Variants in ARHGAP24 observed in about 807,000 individuals in gnomAD.
ARHGAP24 encodes the protein rho GTPase-activating protein 24.
Under a neutral mutation model 76.4 loss-of-function variants are expected in ARHGAP24, and 50 were observed. The ratio of observed to expected loss-of-function variants is 0.65; its 90% CI spans 0.52 to 0.83. The LOEUF (loss-of-function observed/expected upper bound fraction) is 0.83, where lower values mean the gene tolerates loss of function less well. Ranked by LOEUF, ARHGAP24 falls within the 40% of genes least tolerant of loss-of-function variation. The pLI, the probability that ARHGAP24 is intolerant of heterozygous loss-of-function variation, is 0.00. For missense variants in ARHGAP24, 930 were observed against 914.2 expected, an observed-to-expected ratio of 1.02 and a Z score of -0.22; for synonymous variants, 345 against 323.3, an observed-to-expected ratio of 1.07 and a Z score of -0.72.
At chr4:85,948,762 C>T (rs1461241269) in intron 5 of ARHGAP24, among the ~76,000 whole-genome samples, 1 of 152,166 alleles carries the variant, frequency 6.6e-6, no homozygotes, top group Admixed American at 6.6e-5. Context: ...GAAGTCTTAA[C>T]AGGAGTGGTA....
intron 4 of ARHGAP24, among the ~76,000 whole-genome samples, chr4:85,940,214 C>T (rs1221712429): frequency 6.6e-6 from 1 of 152,078 alleles, no homozygotes; most frequent in East Asian, 1.9e-4. Flanking sequence ...CACACATCAG[C>T]TTGTTTTTCT....
intron 2 of ARHGAP24, among the ~76,000 whole-genome samples, chr4:85,679,307 A>G (rs1449121174): frequency 1.3e-5 from 2 of 152,144 alleles, no homozygotes; most frequent in African/African-American, 4.8e-5. Context: ...GCTTGTTTGC[A>G]TCTTTTGTTT....
chr4:85,627,886 A>T (rs1721020021), intron 2 of ARHGAP24, among the ~76,000 whole-genome samples: 1 of 152,116 alleles, frequency 6.6e-6, no homozygotes, highest in Non-Finnish European at 1.5e-5. Flanking sequence ...CAGGTGCGGG[A>T]TATAATCTCC....
At chr4:85,830,111 T>G in intron 3 of ARHGAP24, among the ~76,000 whole-genome samples, 1 of 152,244 alleles carries the variant, frequency 6.6e-6, no homozygotes. Flanking sequence ...CTAAAATGCT[T>G]AAACTCCCTA....
intron 4 of ARHGAP24, among the ~76,000 whole-genome samples, chr4:85,931,959 C>T (rs886944137): frequency 6.6e-6 from 1 of 151,542 alleles, no homozygotes; most frequent in Non-Finnish European, 1.5e-5. Flanking sequence ...ATTTGCCACC[C>T]ATTAATTAAT....
chr4:85,910,642 T>C (rs1368715237), intron 3 of ARHGAP24, among the ~76,000 whole-genome samples: 4 of 152,052 alleles, frequency 2.6e-5, no homozygotes, highest in African/African-American at 9.7e-5. Flanking sequence ...CTGCAGCTGT[T>C]CGCCCTACAA....
At chr4:85,622,563 G>T (rs1720760043) in intron 2 of ARHGAP24, among the ~76,000 whole-genome samples, 1 of 152,008 alleles carries the variant, frequency 6.6e-6, no homozygotes, top group South Asian at 2.1e-4. Flanking sequence ...ACATACGTGT[G>T]CATGTGTCTT....
intron 1 of ARHGAP24, among the ~76,000 whole-genome samples, chr4:85,544,888 A>T (rs1204875014): frequency 6.6e-6 from 1 of 151,614 alleles, no homozygotes; most frequent in African/African-American, 2.4e-5. Context: ...TTTTTTCGCC[A>T]GTCCAGTTCT....
At chr4:85,849,975 G>A (rs1223135474) in intron 3 of ARHGAP24, among the ~76,000 whole-genome samples, 1 of 152,082 alleles carries the variant, frequency 6.6e-6, no homozygotes, top group Non-Finnish European at 1.5e-5. Context: ...AATGAGTTAG[G>A]GAGGATTCTC....
chr4:85,539,035 G>A (rs1026747595), intron 1 of ARHGAP24, among the ~76,000 whole-genome samples: 7 of 152,294 alleles, frequency 4.6e-5, no homozygotes, highest in Middle Eastern at 3.4e-3. Context: ...TTGTGGGAAT[G>A]TGTAAATGGT....
At chr4:85,796,283 T>G (rs1167955085) in intron 3 of ARHGAP24, among the ~76,000 whole-genome samples, 5 of 152,102 alleles carry the variant, frequency 3.3e-5, no homozygotes, top group African/African-American at 7.2e-5. Flanking sequence ...TATTCCTAAG[T>G]AGCTGAGAAA....
intron 2 of ARHGAP24, among the ~76,000 whole-genome samples, chr4:85,617,973 C>T (rs907624110): frequency 6.6e-6 from 1 of 152,184 alleles, no homozygotes; most frequent in Non-Finnish European, 1.5e-5. Flanking sequence ...CACCTCCTCA[C>T]GTAGACTTTG....
chr4:85,700,986 T>C (rs553524134), intron 2 of ARHGAP24, among the ~76,000 whole-genome samples: 6 of 152,314 alleles, frequency 3.9e-5, no homozygotes, highest in Non-Finnish European at 7.4e-5. Context: ...ATCCTTCCCC[T>C]TGGAAATTCA....
At chr4:85,827,767 G>A in intron 3 of ARHGAP24, 1 of 428,676 alleles carries the variant, frequency 2.3e-6, no homozygotes, top group Non-Finnish European at 4.1e-6. Context: ...CTCAGTAGCT[G>A]GGGAGCCCAC....
At chr4:85,869,909 T>C (rs146192494) in intron 3 of ARHGAP24, among the ~76,000 whole-genome samples, 2,627 of 152,264 alleles carry the variant, frequency 0.017, 34 homozygotes, top group South Asian at 0.036. Context: ...GCTTGGGCTA[T>C]GCATCCACAC....
At chr4:85,958,646 A>T (rs529367041) in intron 5 of ARHGAP24, among the ~76,000 whole-genome samples, 53 of 152,324 alleles carry the variant, frequency 3.5e-4, no homozygotes, top group Admixed American at 2.5e-3. Context: ...TATCCCTTAA[A>T]GTCATGTTTT....
chr4:85,505,514 G>T (rs1039940654), intron 1 of ARHGAP24, among the ~76,000 whole-genome samples: 4 of 151,968 alleles, frequency 2.6e-5, no homozygotes, highest in Non-Finnish European at 5.9e-5. Flanking sequence ...TCATCAAATT[G>T]GCTATTGAAG....
chr4:85,897,523 A>G (rs1272265793), intron 3 of ARHGAP24, among the ~76,000 whole-genome samples: 2 of 152,356 alleles, frequency 1.3e-5, no homozygotes, highest in East Asian at 1.9e-4. Context: ...ACTTTCTGAT[A>G]CAAGTCATAA....
intron 5 of ARHGAP24, among the ~76,000 whole-genome samples, chr4:85,944,669 A>G (rs1300286245): frequency 1.3e-5 from 2 of 152,056 alleles, no homozygotes; most frequent in African/African-American, 4.8e-5. Context: ...AAAATGTCTA[A>G]ACCCAAATTT....
Sources: gnomAD v4.1 joint callset for allele counts (sites outside exome capture counted in the v4.1 genomes callset) on GRCh38, gnomAD v4.1.1 for gene constraint, MANE v1.5 for transcripts, NCBI Gene and HGNC (gene_info 2026-07-23, HGNC 2026-07-21) for gene names.